WNT4: variants seen among roughly 807,000 people sequenced by gnomAD.
WNT4 encodes protein Wnt-4.
WNT4 carries 16 observed loss-of-function variants against 34.5 expected under a neutral mutation model. The observed-to-expected ratio is 0.46, with a 90% confidence interval of 0.31 to 0.70. WNT4 has a LOEUF of 0.70. Ranked by LOEUF, WNT4 falls within the 30% of genes least tolerant of loss-of-function variation. The pLI, the probability that WNT4 is intolerant of heterozygous loss-of-function variation, is 0.04. For synonymous variants in WNT4, 200 were observed against 211.9 expected (o/e 0.94, Z 0.49); for missense variants, 379 against 495.9 (o/e 0.76, Z 2.24).
At chr1:22,123,978 T>C (rs9919225) in intron 2 of WNT4, among the ~76,000 whole-genome samples, 142,737 of 152,330 alleles carry the variant, frequency 0.94, 67,013 homozygotes, top group East Asian at 1. Flanking sequence ...CTAAAGCTGA[T>C]GGCGGCTCCT....
chr1:22,133,574 CA>C (rs1645999272), intron 1 of WNT4, among the ~76,000 whole-genome samples: 2 of 152,356 alleles, frequency 1.3e-5, no homozygotes, highest in South Asian at 4.1e-4. Context: ...GGGCCTTGGC[CA>C]TCCCTGAGGC....
Position 22,140,128 on chromosome 1 carries a change from G to T in WNT4, c.77+2718C>A, listed in dbSNP as rs759777836. 7 of 965,944 alleles carry T rather than the reference G, an allele frequency of 7.2e-6. No individual in the cohort carries two copies. The highest frequency in any genetic ancestry group is 8.6e-6 in the Non-Finnish European group (7 of 812,342). 59.8% of individuals were successfully genotyped at this position (965,944 alleles called of 1,614,324 possible). On this transcript the variant is annotated intron_variant, in intron 1 of 4. Coordinates refer to ENST00000290167, the MANE Select transcript of WNT4 (RefSeq NM_030761.5). The surrounding 1 kb of genome is among the most constrained non-coding windows in gnomAD (Gnocchi z 5.9). Reference sequence around the variant, plus strand: ...GACTCCAGGGTATTGGGAGGCGAGCGGAACCTAGACCTTGCTCCTTGGCAG... The same window carrying T: ...GACTCCAGGGTATTGGGAGGCGAGCTGAACCTAGACCTTGCTCCTTGGCAG...
At chr1:22,122,797 T>A (rs960531998) in intron 2 of WNT4, among the ~76,000 whole-genome samples, 4 of 152,204 alleles carry the variant, frequency 2.6e-5, no homozygotes, top group Non-Finnish European at 5.9e-5. Context: ...TCTGTGCCCC[T>A]GTCTGTGGAC....
At position 22,142,499 on chromosome 1, in the gene WNT4, G is replaced by A. The variant is rs1477874989; in HGVS notation, c.77+347C>T. ...AATGGGCTTCCTCAGCGACCTGTCAGCCCGGCTGGACTGCAACCCGCGTCC... is the reference window on the plus strand; with the variant it reads ...AATGGGCTTCCTCAGCGACCTGTCAACCCGGCTGGACTGCAACCCGCGTCC... On this transcript the variant is annotated intron_variant, in intron 1 of 4. Transcript: ENST00000290167. The surrounding 1 kb of genome is among the most constrained non-coding windows in gnomAD (Gnocchi z 6.0). Among the ~76,000 whole-genome samples the A allele has an allele frequency of 6.6e-6, 1 of 152,220 alleles. No homozygotes were observed. Among genetic ancestry groups the A allele is most frequent in the Admixed American group, 6.5e-5 (1 of 15,282 alleles).
rs1043378156 is a variant in WNT4 at position 22,121,540 on chromosome 1, G to A, written c.350C>T (p.Ser117Leu). 2 of 1,613,942 alleles carry A rather than the reference G, an allele frequency of 1.2e-6. No homozygotes were observed. Among genetic ancestry groups the A allele is most frequent in the Non-Finnish European group, 8.5e-7 (1 of 1,180,034 alleles). The stretch of plus-strand genomic sequence containing the variant: ...CGTCACTGCAAAGGCCACACCTGCC[G>A]AAGAGATGGCGTACACGAAGGCCGC... ...REAAFVYAIS[S>L]AGVAFAVTRA... The change falls in exon 3 of 5, where the codon TCG (serine) becomes TTG (leucine). Residue 117 changes from serine to leucine, a missense_variant. By Grantham distance (145) the Ser-to-Leu change is moderately radical. Coordinates refer to ENST00000290167, the MANE Select transcript of WNT4 (RefSeq NM_030761.5).
chr1:22,124,180 G>C (rs1480136605), intron 2 of WNT4, among the ~76,000 whole-genome samples: 4 of 152,226 alleles, frequency 2.6e-5, no homozygotes, highest in African/African-American at 9.6e-5. Flanking sequence ...GGTAGCAGCG[G>C]GGGGGTTCCC....
At chr1:22,138,071 C>T (rs116278795) in intron 1 of WNT4, among the ~76,000 whole-genome samples, 1,589 of 152,340 alleles carry the variant, frequency 0.01, 20 homozygotes, top group Non-Finnish European at 0.014. Context: ...GCCACAGCCA[C>T]GGCCTCCAGA....
rs1645879798 is a variant in WNT4 at position 22,119,945 on chromosome 1, A to G, written c.*105T>C. 7.0e-7 allele frequency: 1 copy of G among 1,429,150 alleles called. No homozygotes were observed. The highest frequency in any genetic ancestry group is 9.5e-7 in the Non-Finnish European group (1 of 1,056,284). The allele number at this position is 1,429,150 out of a possible 1,614,324, so 88.5% of individuals were successfully genotyped here. ...GAGGACCCAAAAACCAAACCAGAAC[A>G]AAAAATACAACCAGTATCTCTTGGG... On this transcript the variant is annotated 3_prime_UTR_variant, in exon 5 of 5. Coordinates refer to ENST00000290167, the MANE Select transcript of WNT4 (RefSeq NM_030761.5).
intron 1 of WNT4, among the ~76,000 whole-genome samples, chr1:22,136,515 C>A (rs946270714): frequency 1.3e-5 from 2 of 152,164 alleles, no homozygotes; most frequent in African/African-American, 4.8e-5. Flanking sequence ...TTGGGGGATA[C>A]CTTCCAAAGG....
intron 2 of WNT4, chr1:22,127,386 G>GCATT (rs1286856164): frequency 1.9e-6 from 1 of 533,264 alleles, no homozygotes; most frequent in East Asian, 5.4e-5. Flanking sequence ...CATTGCCCCA[G>GCATT]GCTACCTCCT....
At chr1:22,126,924 C>T (rs1645944769) in intron 2 of WNT4, 1 of 261,314 alleles carries the variant, frequency 3.8e-6, no homozygotes. Context: ...CGGCCTCACC[C>T]TTCCTCCATC....
intron 2 of WNT4, among the ~76,000 whole-genome samples, chr1:22,125,299 C>A (rs940212560): frequency 6.6e-6 from 1 of 152,106 alleles, no homozygotes; most frequent in Non-Finnish European, 1.5e-5. Context: ...TCAAGGCATT[C>A]CTAGTCTGGG....
chr1:22,129,861 G>A lies in WNT4; in HGVS notation c.78-10C>T. On this transcript the variant is annotated splice_polypyrimidine_tract_variant and intron_variant, in intron 1 of 4. Coordinates refer to ENST00000290167, the MANE Select transcript of WNT4 (RefSeq NM_030761.5). ...CAGCTTGGCCAGGTACCTGGGGAGA[G>A]GGTGACACGTGATGCAGAGCCCACC... 1 of 1,613,224 alleles carries A rather than the reference G, an allele frequency of 6.2e-7. No homozygotes were observed. The highest frequency in any genetic ancestry group is 1.7e-5 in the Admixed American group (1 of 60,024).
At chr1:22,124,738 G>A (rs1177357724) in intron 2 of WNT4, among the ~76,000 whole-genome samples, 1 of 152,180 alleles carries the variant, frequency 6.6e-6, no homozygotes, top group Non-Finnish European at 1.5e-5. Context: ...TACAGGAGAA[G>A]GAAGGATATT....
chr1:22,133,905 G>A (rs1053795811), intron 1 of WNT4, among the ~76,000 whole-genome samples: 1 of 152,250 alleles, frequency 6.6e-6, no homozygotes, highest in Non-Finnish European at 1.5e-5. Flanking sequence ...GCCACCTGCT[G>A]TTTTCATTAG....
At chr1:22,124,910 A>T (rs1055128286) in intron 2 of WNT4, among the ~76,000 whole-genome samples, 4 of 152,162 alleles carry the variant, frequency 2.6e-5, no homozygotes, top group Non-Finnish European at 5.9e-5. Flanking sequence ...GTCTCCCAGG[A>T]TAACCTTATC....
chr1:22,121,647 A>C lies in WNT4; in HGVS notation c.314-71T>G, dbSNP rs910626127. The C allele has an allele frequency of 1.9e-6, 3 of 1,576,524 alleles. No individual in the cohort carries two copies. In the African/African-American group the frequency reaches 4.0e-5, roughly 21 times the overall value. On this transcript the variant is annotated intron_variant, in intron 2 of 4. Coordinates refer to ENST00000290167, the MANE Select transcript of WNT4 (RefSeq NM_030761.5). ...CCTGCACCCTCCTTTGTAGAGGGGG[A>C]GGGGCATATGGAGCCTCCTGCTTGC... is the stretch of plus-strand genomic sequence containing the variant.
Position 22,134,030 on chromosome 1 carries a change from C to A in WNT4, c.78-4179G>T, listed in dbSNP as rs1016658838. ...CCTCTGCGACTCCTCCCAGCTCTTA[C>A]GCTGTGAGTCAAGAGGAGAGGGGAC... On this transcript the variant is annotated intron_variant, in intron 1 of 4. Coordinates refer to ENST00000290167, the MANE Select transcript of WNT4 (RefSeq NM_030761.5). The surrounding 1 kb of genome is among the most constrained non-coding windows in gnomAD (Gnocchi z 4.1). Among the ~76,000 whole-genome samples, 1 of 152,178 alleles carries A rather than the reference C, an allele frequency of 6.6e-6. No individual in the cohort carries two copies. The highest frequency in any genetic ancestry group is 2.1e-4 in the South Asian group (1 of 4,834).
Position 22,119,814 on chromosome 1 carries a change from C to T in WNT4, c.*236G>A, listed in dbSNP as rs971205300. ...AGCCACATGCGGGCAGCCAGCGGCACGAGCAAGGTCCCTTTGGTCAGTGGC... is the reference window on the plus strand; with the variant it reads ...AGCCACATGCGGGCAGCCAGCGGCATGAGCAAGGTCCCTTTGGTCAGTGGC... On this transcript the variant is annotated 3_prime_UTR_variant, in exon 5 of 5. Transcript: ENST00000290167. 2.5e-5 allele frequency: 15 copies of T among 594,726 alleles called. No individual in the cohort carries two copies. Among genetic ancestry groups the T allele is most frequent in the Admixed American group, 1.2e-4 (4 of 33,390 alleles). 36.8% of individuals were successfully genotyped at this position (594,726 alleles called of 1,614,324 possible).
Sources: allele counts gnomAD v4.1 joint callset (sites outside exome capture counted in the v4.1 genomes callset), GRCh38; gene constraint gnomAD v4.1.1; non-coding constraint Gnocchi (gnomAD v3.1); transcripts MANE v1.5; gene names NCBI Gene and HGNC (gene_info 2026-07-23, HGNC 2026-07-21).